MICU3: variants seen among roughly 807,000 people sequenced by gnomAD.
The protein encoded by MICU3 is calcium uptake protein 3, mitochondrial.
A neutral mutation model predicts 66.5 loss-of-function variants in MICU3; 62 were observed. That is an observed-to-expected ratio of 0.93 (90% CI 0.76 to 1.15). The LOEUF (loss-of-function observed/expected upper bound fraction) is 1.15, where lower values mean the gene tolerates loss of function less well. Among genes scored for constraint, MICU3 ranks in the 50% most tolerant of loss-of-function variants. MICU3 has a pLI of 0.00. For missense variants in MICU3, 779 were observed against 664.4 expected, an observed-to-expected ratio of 1.17 and a Z score of -1.90; for synonymous variants, 308 against 240.7, an observed-to-expected ratio of 1.28 and a Z score of -2.59.
At chr8:17,068,419 G>A (rs1240765077) in intron 2 of MICU3, among the ~76,000 whole-genome samples, 1 of 152,102 alleles carries the variant, frequency 6.6e-6, no homozygotes, top group Non-Finnish European at 1.5e-5. Context: ...ATAAGAGCAC[G>A]TGCATGTACT....
chr8:17,059,855 T>C (rs1817548185), intron 1 of MICU3, among the ~76,000 whole-genome samples: 1 of 152,176 alleles, frequency 6.6e-6, no homozygotes, highest in Non-Finnish European at 1.5e-5. Context: ...CTTGATTAAA[T>C]AGACATCTAT....
chr8:17,039,445 C>A, intron 1 of MICU3, among the ~76,000 whole-genome samples: 1 of 152,138 alleles, frequency 6.6e-6, no homozygotes, highest in East Asian at 1.9e-4. Context: ...AATAGCTGAT[C>A]CCCTCTCTTA....
intron 1 of MICU3, among the ~76,000 whole-genome samples, chr8:17,045,120 T>A (rs1334171528): frequency 6.6e-6 from 1 of 152,032 alleles, no homozygotes; most frequent in Admixed American, 6.6e-5. Flanking sequence ...AAGCCTATAG[T>A]GTTGAGAAAG....
At chr8:17,110,903 A>G (rs529548595) in intron 11 of MICU3, among the ~76,000 whole-genome samples, 3 of 152,246 alleles carry the variant, frequency 2.0e-5, no homozygotes, top group African/African-American at 4.8e-5. Context: ...GTTCATCCAC[A>G]TTGTAGTATG....
intron 11 of MICU3, among the ~76,000 whole-genome samples, chr8:17,107,708 G>A (rs1801858468): frequency 6.6e-6 from 1 of 152,186 alleles, no homozygotes; most frequent in South Asian, 2.1e-4. Flanking sequence ...CATGTAGCCA[G>A]TAAAAATGAA....
intron 9 of MICU3, among the ~76,000 whole-genome samples, chr8:17,103,885 G>C (rs1801496346): frequency 1.3e-5 from 2 of 151,696 alleles, no homozygotes; most frequent in Non-Finnish European, 1.5e-5. Flanking sequence ...TATCATAACT[G>C]TGGAATACAG....
chr8:17,113,853 C>G (rs550899728), intron 11 of MICU3, among the ~76,000 whole-genome samples: 2 of 151,710 alleles, frequency 1.3e-5, no homozygotes, highest in African/African-American at 4.8e-5. Context: ...AGTGCTGACA[C>G]GACAGTGTTT....
chr8:17,055,324 G>T (rs1370430664), intron 1 of MICU3, among the ~76,000 whole-genome samples: 1 of 152,128 alleles, frequency 6.6e-6, no homozygotes, highest in Non-Finnish European at 1.5e-5. Flanking sequence ...TACAAATGTG[G>T]TTTGTTTTGG....
At chr8:17,069,623 GCAAATATGGATATATATTC>G (rs1481254812) in intron 2 of MICU3, 46 bp from the exon 3 acceptor site, 1 of 1,045,204 alleles carries the variant, frequency 9.6e-7, no homozygotes, top group African/African-American at 1.6e-5. Context: ...TAGATGGTTA[GCAAATATGGATATATATTC>G]CATGAAGTAT....
downstream of MICU3, among the ~76,000 whole-genome samples, chr8:17,126,494 A>G (rs1259378293): frequency 1.3e-5 from 2 of 152,214 alleles, no homozygotes; most frequent in African/African-American, 4.8e-5. Context: ...AGTTACACAT[A>G]GTTCTAATAT....
chr8:17,072,100 G>GA lies in MICU3; in HGVS notation c.567+2389dup, dbSNP rs1035788112. Among the ~76,000 whole-genome samples, 24 of 150,214 alleles carry GA rather than the reference G, an allele frequency of 1.6e-4. 1 individual carries two copies. Among genetic ancestry groups the GA allele is most frequent in the African/African-American group, 5.4e-4 (22 of 41,040 alleles). On this transcript the variant is annotated intron_variant, in intron 3 of 14. Coordinates refer to ENST00000318063, the MANE Select transcript of MICU3 (RefSeq NM_181723.3). ...AGAACAATTCTGAAAAGGAAAGAGG[G>GA]AAAAAAAACCATTGAGATGAGAATA...
downstream of MICU3, among the ~76,000 whole-genome samples, chr8:17,123,646 TCA>T (rs1803324435): frequency 6.6e-6 from 1 of 152,090 alleles, no homozygotes; most frequent in African/African-American, 2.4e-5. Context: ...GAGAAATATC[TCA>T]CAGTTTTACT....
chr8:17,100,335 G>A (rs1165183120), intron 9 of MICU3, among the ~76,000 whole-genome samples: 4 of 151,346 alleles, frequency 2.6e-5, no homozygotes, highest in African/African-American at 9.7e-5. Flanking sequence ...TAAATCTGAT[G>A]GAGACAATCA....
chr8:17,134,909 A>G, the MICU3 span, among the ~76,000 whole-genome samples: 2 of 152,162 alleles, frequency 1.3e-5, no homozygotes, highest in Admixed American at 1.3e-4. Context: ...TGGGCACCAA[A>G]TGGCCCAGTC....
rs138188831 is a variant in MICU3, at chr8:17,102,811, T to C, written c.985-1580T>C. 2.2e-3 allele frequency: 330 copies of C among 152,086 alleles called. 2 individuals are homozygous for C. Among genetic ancestry groups the C allele is most frequent in the African/African-American group, 7.3e-3 (302 of 41,504 alleles). The allele number at this position is 152,086 out of a possible 1,614,324, so 9.4% of individuals were successfully genotyped here. On this transcript the variant is annotated intron_variant, in intron 9 of 14. Transcript: ENST00000318063. ...ACTACTATCAAATCCTCAAAGAAGT[T>C]GGTTTTATTGTAGACAACTTCTCAG...
At chr8:17,039,027 A>G (rs374590628) in intron 1 of MICU3, among the ~76,000 whole-genome samples, 2 of 152,180 alleles carry the variant, frequency 1.3e-5, no homozygotes, top group Non-Finnish European at 1.5e-5. Context: ...AATTTCAGCA[A>G]CCACCACTCT....
chr8:17,079,677 A>G (rs533423777), intron 4 of MICU3, among the ~76,000 whole-genome samples: 52 of 151,884 alleles, frequency 3.4e-4, no homozygotes, highest in African/African-American at 1.3e-3. Context: ...GAGTTTTTGT[A>G]GAGACAAAGT....
intron 13 of MICU3, among the ~76,000 whole-genome samples, chr8:17,117,115 C>G (rs1023082632): frequency 6.6e-6 from 1 of 151,856 alleles, no homozygotes; most frequent in South Asian, 2.1e-4. Flanking sequence ...GTAGCTGGGA[C>G]TATAGGTGCA....
At chr8:17,071,572 G>C (rs1207577475) in intron 3 of MICU3, among the ~76,000 whole-genome samples, 1 of 151,872 alleles carries the variant, frequency 6.6e-6, no homozygotes, top group African/African-American at 2.4e-5. Context: ...TCGGGGAGAG[G>C]GGCACAATTG....
Sources: allele counts gnomAD v4.1 joint callset (sites outside exome capture counted in the v4.1 genomes callset), GRCh38; gene constraint gnomAD v4.1.1; transcripts MANE v1.5; gene names NCBI Gene and HGNC (gene_info 2026-07-23, HGNC 2026-07-21).